Variants in ANKFN1 observed in about 807,000 individuals in gnomAD.
ANKFN1 encodes ankyrin repeat and fibronectin type-III domain-containing protein 1.
Under a neutral mutation model 108.7 loss-of-function variants are expected in ANKFN1, and 74 were observed. The observed-to-expected ratio is 0.68, with a 90% CI of 0.56 to 0.83. The LOEUF (loss-of-function observed/expected upper bound fraction) is 0.83. Among genes scored for constraint, ANKFN1 ranks in the 40% least tolerant of loss-of-function variants. The pLI is 0.00. For missense variants in ANKFN1, 1,505 were observed against 1,382.3 expected, an observed-to-expected ratio of 1.09 and a Z score of -1.41; for synonymous variants, 547 against 516.2, an observed-to-expected ratio of 1.06 and a Z score of -0.81.
At chr17:56,086,760 A>G (rs1268509206) in intron 4 of ANKFN1, among the ~76,000 whole-genome samples, 2 of 151,344 alleles carry the variant, frequency 1.3e-5, no homozygotes, top group African/African-American at 4.9e-5. Flanking sequence ...AGTCACAGAG[A>G]CCGGCAGTAG....
intron 15 of ANKFN1, among the ~76,000 whole-genome samples, 184 bp downstream of exon 15, chr17:56,466,755 T>C (rs1254542337): frequency 6.6e-6 from 1 of 152,192 alleles, no homozygotes; most frequent in Non-Finnish European, 1.5e-5. Context: ...GTGGAATTCA[T>C]TCATACAAAT....
chr17:56,449,371 C>T (rs1177608198), intron 11 of ANKFN1, among the ~76,000 whole-genome samples, 185 bp downstream of exon 11: 1 of 152,048 alleles, frequency 6.6e-6, no homozygotes, highest in Non-Finnish European at 1.5e-5. Context: ...CCCTCTCCTT[C>T]GCTCACTTCC....
At chr17:56,211,455 G>T (rs1318315454) in intron 1 of ANKFN1, among the ~76,000 whole-genome samples, 1 of 152,044 alleles carries the variant, frequency 6.6e-6, no homozygotes, top group Non-Finnish European at 1.5e-5. Context: ...CTGTTCCATT[G>T]GTCTATATGC....
intron 3 of ANKFN1, among the ~76,000 whole-genome samples, chr17:56,239,738 C>T (rs540538519): frequency 2.6e-4 from 40 of 151,902 alleles, no homozygotes; most frequent in African/African-American, 5.8e-4. Flanking sequence ...TTCTAAACTC[C>T]GAAGAAAAAA....
At chr17:56,233,450 A>G (rs1409303594) in intron 3 of ANKFN1, among the ~76,000 whole-genome samples, 2 of 152,106 alleles carry the variant, frequency 1.3e-5, no homozygotes, top group Admixed American at 6.6e-5. Context: ...ACAGCAAAAT[A>G]TTCTAAAGAT....
intron 8 of ANKFN1, among the ~76,000 whole-genome samples, chr17:56,430,291 C>G (rs2048708113): frequency 6.6e-6 from 1 of 151,848 alleles, no homozygotes. Context: ...CATGACTTCT[C>G]CTATATGTGG....
At chr17:56,354,897 G>A (rs978652990) in intron 6 of ANKFN1, among the ~76,000 whole-genome samples, 2 of 152,164 alleles carry the variant, frequency 1.3e-5, no homozygotes, top group East Asian at 3.8e-4. Flanking sequence ...TAAACATGGG[G>A]AAGCATATAT....
intron 3 of ANKFN1, among the ~76,000 whole-genome samples, chr17:56,246,676 A>G (rs1196505717): frequency 6.6e-6 from 1 of 152,158 alleles, no homozygotes; most frequent in Non-Finnish European, 1.5e-5. Flanking sequence ...GGCTGATGTC[A>G]TATGTGAGTT....
In ANKFN1 at chr17:56,420,959, C is replaced by T. The variant is rs1314628199; in HGVS notation, c.911-19368C>T. On this transcript the variant is annotated intron_variant, in intron 8 of 20. Coordinates refer to ENST00000682825, the MANE Select transcript of ANKFN1 (RefSeq NM_001370326.1). Reference sequence around the variant, plus strand: ...TCCTGACCTCGTGATCCGCCCGCCTCGGCCTCCCAAAGTCCTGGGATTACA... The same window carrying T: ...TCCTGACCTCGTGATCCGCCCGCCTTGGCCTCCCAAAGTCCTGGGATTACA... Among the ~76,000 whole-genome samples, 4 of 152,196 alleles carry T rather than the reference C, an allele frequency of 2.6e-5. No homozygotes were observed. In the East Asian group the frequency reaches 5.8e-4, roughly 22 times the overall value.
At chr17:56,108,055 A>T (rs1905783485) in intron 4 of ANKFN1, among the ~76,000 whole-genome samples, 1 of 151,712 alleles carries the variant, frequency 6.6e-6, no homozygotes, top group Non-Finnish European at 1.5e-5. Context: ...TTGTTTTGAG[A>T]TGGAGTCTTG....
intron 4 of ANKFN1, among the ~76,000 whole-genome samples, chr17:56,336,698 G>GT (rs1179356641): frequency 3.3e-5 from 5 of 152,082 alleles, no homozygotes; most frequent in Non-Finnish European, 7.4e-5. Context: ...TTTTTGAAGG[G>GT]TTTTTTGTGT....
At chr17:56,056,164 A>C (rs912263706) in intron 4 of ANKFN1, among the ~76,000 whole-genome samples, 3 of 151,982 alleles carry the variant, frequency 2.0e-5, no homozygotes, top group Admixed American at 6.6e-5. Context: ...ATTTTCTTCC[A>C]TTCTGTTGGT....
intron 6 of ANKFN1, among the ~76,000 whole-genome samples, chr17:56,354,805 T>C (rs915251000): frequency 6.6e-6 from 1 of 152,232 alleles, no homozygotes; most frequent in Admixed American, 6.5e-5. Context: ...GCTTGGCTTA[T>C]ACAACATTTT....
chr17:56,405,529 G>A (rs1186867597), intron 8 of ANKFN1, among the ~76,000 whole-genome samples: 29 of 152,100 alleles, frequency 1.9e-4, no homozygotes, highest in Admixed American at 1.8e-3. Flanking sequence ...GTAATTCTAA[G>A]TAGGGGGATT....
Position 56,484,165 on chromosome 17 carries a change from A to G in ANKFN1, c.2260+1641A>G, listed in dbSNP as rs188450212. 2.7e-4 allele frequency among the ~76,000 whole-genome samples: 41 copies of G among 152,308 alleles called. No individual in the cohort carries two copies. In the East Asian group the frequency reaches 7.4e-3, roughly 27 times the overall value. ...TTCAGAAAGAATCGGGAAGAGAACA[A>G]GTGGTCCAGTTTGGCTAGATCAGAG... On this transcript the variant is annotated intron_variant, in intron 18 of 20. Coordinates refer to ENST00000682825, the MANE Select transcript of ANKFN1 (RefSeq NM_001370326.1).
intron 15 of ANKFN1, among the ~76,000 whole-genome samples, chr17:56,467,811 A>AAAG (rs1568026553): frequency 1.9e-3 from 68 of 36,458 alleles, no homozygotes; most frequent in African/African-American, 0.01. Context: ...AGAAAGAAAG[A>AAAG]AAGAAAGAAA....
intron 7 of ANKFN1, among the ~76,000 whole-genome samples, chr17:56,373,174 G>C (rs2046856181): frequency 1.3e-5 from 2 of 152,202 alleles, no homozygotes; most frequent in Non-Finnish European, 2.9e-5. Context: ...TTTTGGGATA[G>C]GGAGGTGGAA....
intron 2 of ANKFN1, among the ~76,000 whole-genome samples, chr17:56,214,180 T>C (rs1915251869): frequency 6.6e-6 from 1 of 152,250 alleles, no homozygotes; most frequent in African/African-American, 2.4e-5. Flanking sequence ...GAGGTCTCTT[T>C]GTCATATCCT....
intron 4 of ANKFN1, among the ~76,000 whole-genome samples, chr17:56,116,517 G>A (rs1010671921): frequency 6.6e-6 from 1 of 152,148 alleles, no homozygotes; most frequent in Non-Finnish European, 1.5e-5. Flanking sequence ...TCTCAAGAAA[G>A]TGAGTGAGTT....
Sources: allele counts gnomAD v4.1 joint callset (sites outside exome capture counted in the v4.1 genomes callset), GRCh38; gene constraint gnomAD v4.1.1; transcripts MANE v1.5; gene names NCBI Gene and HGNC (gene_info 2026-07-23, HGNC 2026-07-21).